Variants in ACAD10 observed in about 807,000 individuals in gnomAD.
ACAD10 encodes acyl-CoA dehydrogenase family member 10, also known as ACAD-10.
A neutral mutation model predicts 116.8 loss-of-function variants in ACAD10; 112 were observed. The observed-to-expected ratio is 0.96, with a 90% CI of 0.82 to 1.12. ACAD10 has a LOEUF of 1.12. Among genes scored for constraint, ACAD10 ranks in the 50% most tolerant of loss-of-function variants. The pLI is 0.00. For synonymous variants in ACAD10, 486 were observed against 510.6 expected (o/e 0.95, Z 0.65); for missense variants, 1,259 against 1,350.2 (o/e 0.93, Z 1.06).
chr12:111,726,127 A>G (rs1889207381), intron 8 of ACAD10, among the ~76,000 whole-genome samples: 2 of 152,062 alleles, frequency 1.3e-5, no homozygotes, highest in Admixed American at 6.6e-5. Context: ...GGTGGCGCTC[A>G]CCTGGAGTCC....
chr12:111,710,313 C>G, intron 5 of ACAD10: 1 of 454,444 alleles, frequency 2.2e-6, no homozygotes, highest in Non-Finnish European at 4.4e-6. Flanking sequence ...GTGTCGAACT[C>G]CTGGGCTCAA....
At chr12:111,715,565 C>T (rs1002268739) in intron 6 of ACAD10, 4 of 433,984 alleles carry the variant, frequency 9.2e-6, no homozygotes, top group Non-Finnish European at 1.7e-5. Context: ...CCTGCACAAA[C>T]TGAGAAAATT....
At chr12:111,719,255 A>AT (rs1888943715) in intron 7 of ACAD10, among the ~76,000 whole-genome samples, 1 of 151,952 alleles carries the variant, frequency 6.6e-6, no homozygotes, top group Non-Finnish European at 1.5e-5. Context: ...CAAGATTTCA[A>AT]TTTTTTGGTT....
intron 8 of ACAD10, among the ~76,000 whole-genome samples, chr12:111,723,983 A>T (rs2135968893): frequency 6.7e-6 from 1 of 149,262 alleles, no homozygotes; most frequent in Admixed American, 6.7e-5. Flanking sequence ...CACATCTCAG[A>T]TGATGGGCGG....
intron 12 of ACAD10, among the ~76,000 whole-genome samples, chr12:111,742,411 T>C (rs1889771234): frequency 6.6e-6 from 1 of 152,198 alleles, no homozygotes; most frequent in Non-Finnish European, 1.5e-5. Flanking sequence ...CTTCCCTGGG[T>C]TAGGTTCATA....
At chr12:111,722,695 G>C (rs1434483047) in intron 8 of ACAD10, among the ~76,000 whole-genome samples, 2 of 152,172 alleles carry the variant, frequency 1.3e-5, no homozygotes, top group Non-Finnish European at 2.9e-5. Context: ...AGAGCACAGG[G>C]TTGGGGGCAA....
In ACAD10 at chr12:111,756,314, T is replaced by C; in HGVS notation, c.3040-19T>C. On this transcript the variant is annotated intron_variant, in intron 20 of 20. Transcript: ENST00000313698. ...AAGGGCTGACCCAGGGCCGCCTCCC[T>C]CCACTCTGTGTCTGCCAGGCCTTTG... The C allele has an allele frequency of 6.3e-7, 1 of 1,577,916 alleles. No homozygotes were observed. The highest frequency in any genetic ancestry group is 8.6e-7 in the Non-Finnish European group (1 of 1,165,762).
At chr12:111,711,189 T>G (rs1244075560) in intron 5 of ACAD10, among the ~76,000 whole-genome samples, 1 of 152,206 alleles carries the variant, frequency 6.6e-6, no homozygotes, top group Non-Finnish European at 1.5e-5. Context: ...TTTAAAGACC[T>G]GTGCTAAATT....
intron 6 of ACAD10, 151 bp downstream of exon 6, chr12:111,712,808 C>T: frequency 2.2e-6 from 2 of 894,702 alleles, no homozygotes; most frequent in Middle Eastern, 3.2e-4. Context: ...CGGAGCACTG[C>T]TTTCAGTTTT....
intron 6 of ACAD10, among the ~76,000 whole-genome samples, chr12:111,714,293 T>C (rs1888778663): frequency 6.6e-6 from 1 of 151,260 alleles, no homozygotes; most frequent in Non-Finnish European, 1.5e-5. Context: ...ACAAATTGTC[T>C]CCATTTCTTG....
Position 111,725,998 on chromosome 12 carries a change from T to C in ACAD10, c.1062-1964T>C, listed in dbSNP as rs543010912. On this transcript the variant is annotated intron_variant, in intron 8 of 20. Coordinates refer to ENST00000313698, the MANE Select transcript of ACAD10 (RefSeq NM_025247.6). ...ATGGTAGGATTTTCAAAACAATTTTTTAGAGTAGTAAACTGGAGGCTGAGG... is the reference window on the plus strand; with the variant it reads ...ATGGTAGGATTTTCAAAACAATTTTCTAGAGTAGTAAACTGGAGGCTGAGG... Among the ~76,000 whole-genome samples the C allele has an allele frequency of 5.1e-4, 77 of 152,172 alleles. No individual in the cohort carries two copies. In the Middle Eastern group the frequency reaches 0.031, roughly 60 times the overall value.
chr12:111,719,346 T>C (rs1343267415), intron 7 of ACAD10, among the ~76,000 whole-genome samples: 3 of 152,080 alleles, frequency 2.0e-5, no homozygotes, highest in Non-Finnish European at 4.4e-5. Flanking sequence ...CTCCACCTCC[T>C]GGGTTCAAGC....
rs184395116 is a variant in ACAD10 at position 111,703,066 on chromosome 12, G to A, written c.336+756G>A. On this transcript the variant is annotated intron_variant, in intron 3 of 20. Transcript: ENST00000313698. Reference sequence around the variant, plus strand: ...GCCACTGCACTCCAGCTTGGGCAACGTAACAAGACTCTGTCTCAAAAAAAA... The same window carrying A: ...GCCACTGCACTCCAGCTTGGGCAACATAACAAGACTCTGTCTCAAAAAAAA... Among the ~76,000 whole-genome samples the A allele has an allele frequency of 4.9e-5, 7 of 143,346 alleles. No individual in the cohort carries two copies. The East Asian group carries it at 8.4e-4, about 17-fold the overall frequency. 94.0% of individuals were successfully genotyped at this position (143,346 alleles called of 152,430 possible).
chr12:111,740,812 A>G (rs903565693), intron 12 of ACAD10, among the ~76,000 whole-genome samples: 2 of 151,854 alleles, frequency 1.3e-5, no homozygotes, highest in Non-Finnish European at 2.9e-5. Context: ...AGAAAAGAAA[A>G]AGAAATTTTC....
chr12:111,741,697 G>A (rs1453521744), intron 12 of ACAD10, among the ~76,000 whole-genome samples: 1 of 152,066 alleles, frequency 6.6e-6, no homozygotes, highest in Non-Finnish European at 1.5e-5. Flanking sequence ...TTTTTTGAAA[G>A]AATAATATAA....
intron 12 of ACAD10, among the ~76,000 whole-genome samples, chr12:111,744,074 AT>A (rs1889822029): frequency 6.6e-6 from 1 of 152,006 alleles, no homozygotes; most frequent in African/African-American, 2.4e-5. Flanking sequence ...ATGGGGAAAA[AT>A]ATGTTTGTAA....
chr12:111,745,977 G>A (rs1185226376), intron 13 of ACAD10, among the ~76,000 whole-genome samples, 167 bp from the exon 14 acceptor site: 1 of 148,604 alleles, frequency 6.7e-6, no homozygotes, highest in African/African-American at 2.5e-5. Context: ...GTGTAGCTGG[G>A]ACCACAGGCA....
At chr12:111,689,720 C>CT (rs369874266) in intron 1 of ACAD10, among the ~76,000 whole-genome samples, 94 of 141,508 alleles carry the variant, frequency 6.6e-4, no homozygotes, top group Middle Eastern at 3.8e-3. Context: ...ATATTTTCTT[C>CT]TTTTTTTTTT....
In ACAD10 at chr12:111,712,858, C is replaced by A. The variant is rs556513712; in HGVS notation, c.850+201C>A. 2.6e-5 allele frequency among the ~76,000 whole-genome samples: 4 copies of A among 152,288 alleles called. No homozygotes were observed. The East Asian group carries it at 7.7e-4, about 29-fold the overall frequency. ...ATTAACTTCCCTATTTATGCATCTC[C>A]AAAAGTGTACCTATCCCACTCTTAC... On this transcript the variant is annotated intron_variant, in intron 6 of 20. Transcript: ENST00000313698.
Sources: gnomAD v4.1 joint callset for allele counts (sites outside exome capture counted in the v4.1 genomes callset) on GRCh38, gnomAD v4.1.1 for gene constraint, MANE v1.5 for transcripts, NCBI Gene and HGNC (gene_info 2026-07-23, HGNC 2026-07-21) for gene names.